The following ATAD2B variants were observed in gnomAD, a reference collection of about 807,000 sequenced individuals.
The protein encoded by ATAD2B is ATPase family AAA domain-containing protein 2B.
In ATAD2B, 40 loss-of-function variants were observed where a neutral mutation model predicts 167.6. The observed-to-expected ratio is 0.24, with a 90% CI of 0.19 to 0.31. ATAD2B has a LOEUF of 0.31. Ranked by LOEUF, ATAD2B falls within the 10% of genes least tolerant of loss-of-function variation. The pLI is 1.00. For synonymous variants in ATAD2B, 579 were observed against 596.5 expected, an observed-to-expected ratio of 0.97 and a Z score of 0.43; for missense variants, 1,242 against 1,757.2, an observed-to-expected ratio of 0.71 and a Z score of 5.24.
At chr2:23,724,872 T>C in the ATAD2B span, among the ~76,000 whole-genome samples, 1 of 151,788 alleles carries the variant, frequency 6.6e-6, no homozygotes, top group Admixed American at 6.6e-5. Flanking sequence ...TGAAACCCTG[T>C]CTCTACTAAA....
intron 25 of ATAD2B, among the ~76,000 whole-genome samples, chr2:23,755,411 C>A (rs1675833223): frequency 6.6e-6 from 1 of 152,074 alleles, no homozygotes; most frequent in Non-Finnish European, 1.5e-5. Flanking sequence ...CTGAAACCAG[C>A]CACACTAAAC....
chr2:23,745,411 A>G (rs1674800271), downstream of ATAD2B, among the ~76,000 whole-genome samples: 1 of 106,636 alleles, frequency 9.4e-6, no homozygotes, highest in Non-Finnish European at 2.1e-5. Flanking sequence ...GAAGGAAGGA[A>G]GGAAGGAAGG....
intron 13 of ATAD2B, among the ~76,000 whole-genome samples, chr2:23,856,648 G>A (rs989567374): frequency 1.3e-5 from 2 of 152,004 alleles, no homozygotes; most frequent in Admixed American, 1.3e-4. Flanking sequence ...ATCACTTGAG[G>A]CCAGGAGTTC....
intron 18 of ATAD2B, among the ~76,000 whole-genome samples, chr2:23,798,867 G>A (rs1439762458): frequency 1.3e-5 from 2 of 152,044 alleles, no homozygotes; most frequent in African/African-American, 4.8e-5. Flanking sequence ...CATTATCTTA[G>A]TTCAATATTT....
the ATAD2B span, among the ~76,000 whole-genome samples, chr2:23,727,061 C>T: frequency 4.6e-5 from 7 of 151,960 alleles, no homozygotes; most frequent in East Asian, 1.2e-3. Flanking sequence ...CAAAGAAGAT[C>T]AAGGTTTCTT....
chr2:23,853,169 A>G (rs1022934582), intron 13 of ATAD2B, among the ~76,000 whole-genome samples: 2 of 152,258 alleles, frequency 1.3e-5, no homozygotes, highest in African/African-American at 4.8e-5. Flanking sequence ...AATGTTTTAC[A>G]GCCAATGAAG....
At chr2:23,884,727 C>T in intron 6 of ATAD2B, 38 bp downstream of exon 6, 1 of 1,265,334 alleles carries the variant, frequency 7.9e-7, no homozygotes, top group Non-Finnish European at 1.1e-6. Context: ...TTCCCTCCCA[C>T]CTGAACTTTC....
At chr2:23,717,641 G>C in the ATAD2B span, among the ~76,000 whole-genome samples, 14 of 152,234 alleles carry the variant, frequency 9.2e-5, no homozygotes, top group African/African-American at 3.4e-4. Context: ...ATAATTCCAT[G>C]TAAAAATAAG....
chr2:23,693,231 G>T, the ATAD2B span: 1 of 1,519,380 alleles, frequency 6.6e-7, no homozygotes, highest in South Asian at 1.2e-5. Flanking sequence ...ACTGCTTCCC[G>T]GGCCTTTGGG....
At chr2:23,737,980 G>C in the ATAD2B span, among the ~76,000 whole-genome samples, 8 of 152,124 alleles carry the variant, frequency 5.3e-5, no homozygotes, top group East Asian at 3.9e-4. Flanking sequence ...GAAATGAAGC[G>C]AGAAGAGAAG....
intron 19 of ATAD2B, 70 bp downstream of exon 19, chr2:23,798,068 G>A (rs1264623192): frequency 1.8e-5 from 18 of 1,025,832 alleles, no homozygotes; most frequent in Non-Finnish European, 2.4e-5. Context: ...ATTAAAAGGT[G>A]TCCAATTTAC....
chr2:23,706,790 A>G, the ATAD2B span: 2 of 634,834 alleles, frequency 3.2e-6, no homozygotes, highest in Non-Finnish European at 5.2e-6. Flanking sequence ...ACTGCGCTCA[A>G]CATGTTGAAT....
At position 23,926,806 on chromosome 2, in the gene ATAD2B, G is replaced by T. The variant is rs898970079; in HGVS notation, c.-36C>A. ...GGGGGACGGAGTCCACGCCGCGCCC[G>T]GGAGAGCCGAGCAAGGCCGGCCCGC... On this transcript the variant is annotated 5_prime_UTR_variant, in exon 1 of 28. Coordinates refer to ENST00000238789, the MANE Select transcript of ATAD2B (RefSeq NM_017552.4). The T allele has an allele frequency of 5.4e-6, 8 of 1,481,926 alleles. No individual in the cohort carries two copies. The highest frequency in any genetic ancestry group is 2.4e-5 in the Admixed American group (1 of 41,042). 91.8% of individuals were successfully genotyped at this position (1,481,926 alleles called of 1,614,324 possible). A position where few individuals can be genotyped will look rare whatever the true frequency, so the allele number is the denominator to read the frequency against.
intron 14 of ATAD2B, among the ~76,000 whole-genome samples, chr2:23,831,762 C>T (rs6734395): frequency 0.43 from 65,674 of 152,042 alleles, 15,334 homozygotes; most frequent in East Asian, 0.77. Flanking sequence ...ACCACTTTTA[C>T]GCTAAATCCT....
the ATAD2B span, chr2:23,703,046 C>T: frequency 1.9e-6 from 1 of 520,632 alleles, no homozygotes. Flanking sequence ...ATCGCAGTGC[C>T]CCCCACTGCT....
the ATAD2B span, among the ~76,000 whole-genome samples, chr2:23,736,988 C>T: frequency 2.0e-5 from 3 of 152,190 alleles, no homozygotes; most frequent in African/African-American, 7.2e-5. Context: ...AGCAGCGAGG[C>T]TGGGGGAGGG....
intron 13 of ATAD2B, among the ~76,000 whole-genome samples, chr2:23,847,728 T>C (rs1691895019): frequency 6.6e-6 from 1 of 151,684 alleles, no homozygotes; most frequent in African/African-American, 2.4e-5. Flanking sequence ...AGCTCATGCC[T>C]GTAATCCCAG....
At chr2:23,832,471 T>A (rs892948948) in intron 14 of ATAD2B, 2 of 171,374 alleles carry the variant, frequency 1.2e-5, no homozygotes, top group Non-Finnish European at 2.5e-5. Flanking sequence ...TATTTAAATT[T>A]TAAATTAACT....
chr2:23,819,967 A>C, intron 16 of ATAD2B, 85 bp from the exon 17 acceptor site: 1 of 955,120 alleles, frequency 1.0e-6, no homozygotes, highest in Non-Finnish European at 1.5e-6. Flanking sequence ...AATTGGGTTA[A>C]AAAATCAAAT....
Sources: allele counts gnomAD v4.1 joint callset (sites outside exome capture counted in the v4.1 genomes callset), GRCh38; gene constraint gnomAD v4.1.1; transcripts MANE v1.5; gene names NCBI Gene and HGNC (gene_info 2026-07-23, HGNC 2026-07-21).